Variants in SLC6A16 observed in about 807,000 individuals in gnomAD.
SLC6A16 encodes orphan sodium- and chloride-dependent neurotransmitter transporter NTT5.
In SLC6A16, 54 loss-of-function variants were observed where a neutral mutation model predicts 65.4. That is an observed-to-expected ratio of 0.83 (90% CI 0.66 to 1.04). The LOEUF (loss-of-function observed/expected upper bound fraction) is 1.04, where lower values mean the gene tolerates loss of function less well. Among genes scored for constraint, SLC6A16 ranks in the 50% least tolerant of loss-of-function variants. The pLI is 0.00. For missense variants in SLC6A16, 816 were observed against 914.0 expected (o/e 0.89, Z 1.38); for synonymous variants, 330 against 346.5 (o/e 0.95, Z 0.53).
intron 6 of SLC6A16, 47 bp downstream of exon 6, chr19:49,309,254 G>T (rs1157458110): frequency 6.4e-7 from 1 of 1,572,134 alleles, no homozygotes; most frequent in South Asian, 1.1e-5. Flanking sequence ...ATAGGCAGCT[G>T]TGGTGCCCTA....
chr19:49,324,934 G>C, intron 1 of SLC6A16, 114 bp downstream of exon 1: 2 of 604,822 alleles, frequency 3.3e-6, no homozygotes, highest in South Asian at 1.5e-4. Flanking sequence ...CTCCCAGCCA[G>C]TCACCTGTCA....
chr19:49,309,987 C>T, intron 4 of SLC6A16, 53 bp downstream of exon 4: 1 of 1,584,420 alleles, frequency 6.3e-7, no homozygotes, highest in Admixed American at 1.7e-5. Flanking sequence ...AAATTCCCTT[C>T]TACTTCTACT....
chr19:49,314,370 G>A lies in SLC6A16; in HGVS notation c.-64-2959C>T, dbSNP rs556842699. 2.0e-3 allele frequency among the ~76,000 whole-genome samples: 307 copies of A among 152,218 alleles called. 2 individuals are homozygous for A. Among genetic ancestry groups the A allele is most frequent in the Middle Eastern group, 6.8e-3 (2 of 294 alleles). On this transcript the variant is annotated intron_variant, in intron 1 of 11. Transcript: ENST00000335875. ...ACAAACTAATAAATGTACAAGGAAC[G>A]ATGAATTAGAAGGTCACTGCTTATC...
chr19:49,312,706 C>T lies in SLC6A16; in HGVS notation c.-64-1295G>A, dbSNP rs1970545294. 1.0e-5 allele frequency: 3 copies of T among 298,654 alleles called. No individual in the cohort carries two copies. The Admixed American group carries it at 2.0e-4, about 19-fold the overall frequency. The allele number at this position is 298,654 out of a possible 1,614,324, so 18.5% of individuals were successfully genotyped here. A position where few individuals can be genotyped will look rare whatever the true frequency, so the allele number is the denominator to read the frequency against. On this transcript the variant is annotated intron_variant, in intron 1 of 11. Transcript: ENST00000335875. ...GGAGCATGCTTTCCAAAAGCAGAGG[C>T]AGTAGATGGGCTTCAAGGCAGCACT... is the stretch of plus-strand genomic sequence containing the variant.
chr19:49,295,260 G>T (rs371398426), intron 7 of SLC6A16, among the ~76,000 whole-genome samples: 1 of 151,938 alleles, frequency 6.6e-6, no homozygotes, highest in African/African-American at 2.4e-5. Context: ...CGTGCCTGTA[G>T]TCCCAGCTAT....
In SLC6A16 at chr19:49,309,318, G is replaced by A. The variant is rs767754592; in HGVS notation, c.970C>T (p.Gln324Ter). 18 of 1,613,558 alleles carry A rather than the reference G, an allele frequency of 1.1e-5. No homozygotes were observed. Among genetic ancestry groups the A allele is most frequent in the Non-Finnish European group, 1.5e-5 (18 of 1,179,584 alleles). ...LLEGAKFGLQ[Q>*]LVVAKISDVY... ...GATTTCACCTTGGCAACCACCAACTGTTGAAGGCCAAATTTTGCCCCTTCC... is the reference window on the plus strand; with the variant it reads ...GATTTCACCTTGGCAACCACCAACTATTGAAGGCCAAATTTTGCCCCTTCC... The change falls in exon 6 of 12, where the codon CAG (glutamine) becomes TAG (stop). Residue 324 changes from glutamine to a stop codon, truncating the protein, a stop_gained. Coordinates refer to ENST00000335875, the MANE Select transcript of SLC6A16 (RefSeq NM_014037.3). LOFTEE classifies it high-confidence loss of function.
chr19:49,303,064 T>C (rs1207416043), intron 7 of SLC6A16, among the ~76,000 whole-genome samples: 1 of 152,166 alleles, frequency 6.6e-6, no homozygotes, highest in South Asian at 2.1e-4. Context: ...TCTTTAAAAA[T>C]AGCTGAATAC....
rs140265074 is a variant in SLC6A16, at chr19:49,299,958, G to A, written c.1230-5405C>T. 3.1e-3 allele frequency among the ~76,000 whole-genome samples: 440 copies of A among 143,028 alleles called. 10 individuals carry two copies. The highest frequency in any genetic ancestry group is 0.027 in the Admixed American group (375 of 13,806). 93.8% of individuals were successfully genotyped at this position (143,028 alleles called of 152,430 possible). A position where few individuals can be genotyped will look rare whatever the true frequency, so the allele number is the denominator to read the frequency against. On this transcript the variant is annotated intron_variant, in intron 7 of 11. Transcript: ENST00000335875. The stretch of plus-strand genomic sequence containing the variant: ...AACTGCAGTGAGCTGACACAGTGCT[G>A]CTGCACTCTAGCCTCAGCGACAGAG...
In SLC6A16 at chr19:49,309,126, G is replaced by C; in HGVS notation, c.988-9C>G. ...TTGTACACATCCGATATCTAAAAGA[G>C]AGAAGACAAGCATAAGGGGGTTGTA... On this transcript the variant is annotated splice_polypyrimidine_tract_variant and intron_variant, in intron 6 of 11. Transcript: ENST00000335875. The C allele has an allele frequency of 1.2e-6, 2 of 1,613,736 alleles. No homozygotes were observed. Among genetic ancestry groups the C allele is most frequent in the Non-Finnish European group, 1.7e-6 (2 of 1,179,714 alleles).
the SLC6A16 span, chr19:49,335,617 G>T: frequency 2.5e-6 from 4 of 1,613,230 alleles, no homozygotes; most frequent in Non-Finnish European, 3.4e-6. This position sits in a 1 kb window ranked among gnomAD's most constrained non-coding sequence, Gnocchi z 4.6. Flanking sequence ...TTCGTGAGTT[G>T]CCTCATGGCT....
chr19:49,336,955 C>G, the SLC6A16 span: 55 of 1,614,074 alleles, frequency 3.4e-5, no homozygotes, highest in Admixed American at 1.5e-4. Context: ...TCCTGGCCAT[C>G]TCAGGAATCT....
chr19:49,291,743 A>G (rs1970082897), intron 10 of SLC6A16, among the ~76,000 whole-genome samples: 1 of 151,672 alleles, frequency 6.6e-6, no homozygotes, highest in South Asian at 2.1e-4. Context: ...CATATTCTCA[A>G]TCTCAATAAA....
intron 1 of SLC6A16, among the ~76,000 whole-genome samples, chr19:49,311,930 C>A: frequency 6.6e-6 from 1 of 151,168 alleles, no homozygotes; most frequent in Non-Finnish European, 1.5e-5. Flanking sequence ...GTCAGGAATC[C>A]CTGAAATCAA....
Position 49,292,150 on chromosome 19 carries a change from C to T in SLC6A16, c.1778+1073G>A, listed in dbSNP as rs1050678376. Among the ~76,000 whole-genome samples, 14 of 152,050 alleles carry T rather than the reference C, an allele frequency of 9.2e-5. No individual in the cohort carries two copies. Among genetic ancestry groups the T allele is most frequent in the African/African-American group, 3.4e-4 (14 of 41,404 alleles). On this transcript the variant is annotated intron_variant, in intron 10 of 11. Transcript: ENST00000335875. The surrounding 1 kb of genome is among the most constrained non-coding windows in gnomAD (Gnocchi z 4.3). ...TTTGGGAGGCTGAGGCAGGTGATCA[C>T]GAGGTCAAGAGTTCGAGACCAGCCT...
the SLC6A16 span, chr19:49,337,606 C>T: frequency 6.9e-7 from 1 of 1,451,228 alleles, no homozygotes; most frequent in South Asian, 1.2e-5. Flanking sequence ...GAGACCCTGT[C>T]TCAAAAAATA....
chr19:49,319,561 T>C (rs1269984437), intron 1 of SLC6A16, among the ~76,000 whole-genome samples: 1 of 151,402 alleles, frequency 6.6e-6, no homozygotes, highest in Non-Finnish European at 1.5e-5. Flanking sequence ...TACATATATA[T>C]ATCAAGAAAA....
In SLC6A16 at chr19:49,290,212, G is replaced by C. The variant is rs1275635421; in HGVS notation, c.2122C>G (p.Gln708Glu). ...TASTSLPLSH[Q>E]LTPSKEVQKE... is the part of the protein sequence containing the mutation. ...TGAACCTCTTTACTGGGTGTTAGCT[G>C]GTGACTTAGGGGTAGGGATGTGGAG... Residue 708 changes from glutamine to glutamate, a missense_variant, in exon 12 of 12, where the codon CAG (glutamine) becomes GAG (glutamate). Physicochemically the swap from Gln to Glu is conservative, Grantham distance 29 (BLOSUM62 2). Transcript: ENST00000335875. The C allele has an allele frequency of 1.2e-6, 2 of 1,614,132 alleles. No homozygotes were observed. Among genetic ancestry groups the C allele is most frequent in the East Asian group, 2.2e-5 (1 of 44,890 alleles).
At chr19:49,325,265 G>A (rs1970782132), upstream of SLC6A16, 1 of 983,928 alleles carries the variant, frequency 1.0e-6, no homozygotes, top group Non-Finnish European at 1.2e-6. Context: ...CCCTACAGCT[G>A]TAGCAAACAC....
At chr19:49,300,548 T>A in intron 7 of SLC6A16, among the ~76,000 whole-genome samples, 1 of 149,356 alleles carries the variant, frequency 6.7e-6, no homozygotes, top group East Asian at 1.9e-4. Flanking sequence ...TCCAGACTAG[T>A]GGAGGAAAAA....
Sources: gnomAD v4.1 joint callset for allele counts (sites outside exome capture counted in the v4.1 genomes callset) on GRCh38, gnomAD v4.1.1 for gene constraint, Gnocchi (gnomAD v3.1) non-coding constraint, MANE v1.5 for transcripts, NCBI Gene and HGNC (gene_info 2026-07-23, HGNC 2026-07-21) for gene names.